Variants in BCL2 observed in about 807,000 individuals in gnomAD.
BCL2 encodes apoptosis regulator Bcl-2.
Under a neutral mutation model 14.2 loss-of-function variants are expected in BCL2, and 1 was observed. The ratio of observed to expected loss-of-function variants is 0.07; its 90% CI spans 0.02 to 0.33. The LOEUF is 0.33. BCL2 is among the 10% of genes least tolerant of loss of function. The pLI is 0.99. For synonymous variants in BCL2, 151 were observed against 137.2 expected, an observed-to-expected ratio of 1.10 and a Z score of -0.70; for missense variants, 247 against 305.9, an observed-to-expected ratio of 0.81 and a Z score of 1.44.
intron 2 of BCL2, among the ~76,000 whole-genome samples, chr18:63,169,177 T>G (rs959775613): frequency 3.3e-5 from 5 of 152,204 alleles, no homozygotes; most frequent in African/African-American, 1.2e-4. Flanking sequence ...GGGCTTCTTT[T>G]GGGCGGTCAG....
intron 2 of BCL2, among the ~76,000 whole-genome samples, chr18:63,140,556 C>T (rs779692793): frequency 6.6e-6 from 1 of 152,204 alleles, no homozygotes; most frequent in African/African-American, 2.4e-5. Flanking sequence ...AAAGGCCACC[C>T]ACTGTCTATG....
At position 63,220,164 on chromosome 18, in the gene BCL2, T is replaced by G. The variant is rs113741725; in HGVS notation, c.586-91405A>C. 9.8e-3 allele frequency among the ~76,000 whole-genome samples: 1,494 copies of G among 152,328 alleles called. 31 individuals carry two copies. Among genetic ancestry groups the G allele is most frequent in the African/African-American group, 0.034 (1,406 of 41,572 alleles). On this transcript the variant is annotated intron_variant, in intron 2 of 2. Coordinates refer to ENST00000333681, the MANE Select transcript of BCL2 (RefSeq NM_000633.3). The stretch of plus-strand genomic sequence containing the variant: ...TTACCTGTAAAGTTGGGCTCGTGGA[T>G]GAAAACTTTTGTAAGGGATGATAAT...
In BCL2 at chr18:63,251,514, G is replaced by A. The variant is rs1374228838; in HGVS notation, c.585+66568C>T. 4.6e-5 allele frequency among the ~76,000 whole-genome samples: 7 copies of A among 151,102 alleles called. No individual in the cohort carries two copies. The South Asian group carries it at 1.3e-3, about 27-fold the overall frequency. On this transcript the variant is annotated intron_variant, in intron 2 of 2. Coordinates refer to ENST00000333681, the MANE Select transcript of BCL2 (RefSeq NM_000633.3). ...AAAAAAATTAGCCAGGCGTGGTGGC[G>A]GGCGCCTGTAGTCCCAGCTACTGAG...
chr18:63,311,046 T>C, intron 2 of BCL2, among the ~76,000 whole-genome samples: 1 of 151,824 alleles, frequency 6.6e-6, no homozygotes, highest in Non-Finnish European at 1.5e-5. Flanking sequence ...TTCAAGAAGA[T>C]AAATCAATAT....
At chr18:63,289,020 C>T (rs1250871992) in intron 2 of BCL2, among the ~76,000 whole-genome samples, 1 of 152,014 alleles carries the variant, frequency 6.6e-6, no homozygotes, top group Non-Finnish European at 1.5e-5. Context: ...GAGAAGTGAA[C>T]AAGTAAAGTA....
At chr18:63,260,779 G>A (rs746751244) in intron 2 of BCL2, among the ~76,000 whole-genome samples, 17 of 151,728 alleles carry the variant, frequency 1.1e-4, no homozygotes, top group Non-Finnish European at 1.9e-4. Flanking sequence ...GGAGAAATAA[G>A]AGGAACAATA....
chr18:63,198,177 TACACACAC>T (rs113352488), intron 2 of BCL2, among the ~76,000 whole-genome samples: 1 of 140,048 alleles, frequency 7.1e-6, no homozygotes. Context: ...CACACAGACA[TACACACAC>T]ACACACACAC....
rs1465443966 is a variant in BCL2 at position 63,310,459 on chromosome 18, G to A, written c.585+7623C>T. On this transcript the variant is annotated intron_variant, in intron 2 of 2. Coordinates refer to ENST00000333681, the MANE Select transcript of BCL2 (RefSeq NM_000633.3). ...CTTGTCTCAACATTATCTCCGGCAT[G>A]AAACTCTTCAGATACCACTGTAGCT... Among the ~76,000 whole-genome samples, 7 of 152,304 alleles carry A rather than the reference G, an allele frequency of 4.6e-5. 1 individual carries two copies. The highest frequency in any genetic ancestry group is 1.7e-4 in the African/African-American group (7 of 41,582).
intron 2 of BCL2, chr18:63,151,357 T>G (rs1914647373): frequency 6.6e-6 from 1 of 151,918 alleles, no homozygotes; most frequent in Admixed American, 6.6e-5. Context: ...AAGAGAAAAA[T>G]GCAACTACTC....
At chr18:63,294,776 G>A (rs1035016873) in intron 2 of BCL2, among the ~76,000 whole-genome samples, 2 of 152,062 alleles carry the variant, frequency 1.3e-5, no homozygotes, top group Non-Finnish European at 2.9e-5. Flanking sequence ...CTTCTAAACC[G>A]AGAACATGCA....
intron 2 of BCL2, among the ~76,000 whole-genome samples, chr18:63,196,830 G>T (rs921605014): frequency 3.3e-5 from 5 of 152,128 alleles, no homozygotes; most frequent in Non-Finnish European, 7.4e-5. Context: ...CCTGCACATG[G>T]AAACATCATA....
chr18:63,241,818 AC>A (rs1911010359), intron 2 of BCL2, among the ~76,000 whole-genome samples: 1 of 152,198 alleles, frequency 6.6e-6, no homozygotes. Context: ...AGAGTGCCTC[AC>A]CCGTCATTAC....
intron 2 of BCL2, among the ~76,000 whole-genome samples, chr18:63,239,794 G>A (rs1305167653): frequency 6.6e-6 from 1 of 152,046 alleles, no homozygotes; most frequent in Non-Finnish European, 1.5e-5. Flanking sequence ...CCAACTGGGA[G>A]GATTTGGGTA....
chr18:63,222,713 T>C (rs946340688), intron 2 of BCL2, among the ~76,000 whole-genome samples: 1 of 152,096 alleles, frequency 6.6e-6, no homozygotes, highest in African/African-American at 2.4e-5. Flanking sequence ...AAATGGAGAA[T>C]TGAACACACT....
At chr18:63,193,922 A>C (rs969124337) in intron 2 of BCL2, among the ~76,000 whole-genome samples, 3 of 152,170 alleles carry the variant, frequency 2.0e-5, no homozygotes, top group Non-Finnish European at 4.4e-5. Flanking sequence ...AAAAATAAAA[A>C]TAATCATATT....
chr18:63,176,110 G>A (rs1211160213), intron 2 of BCL2, among the ~76,000 whole-genome samples: 1 of 152,226 alleles, frequency 6.6e-6, no homozygotes, highest in East Asian at 1.9e-4. Flanking sequence ...GTTCGCTCTG[G>A]TCAGGACTTG....
At chr18:63,212,499 AGAGT>A (rs1215432213) in intron 2 of BCL2, among the ~76,000 whole-genome samples, 2 of 151,820 alleles carry the variant, frequency 1.3e-5, no homozygotes, top group East Asian at 1.9e-4. Flanking sequence ...CCAAGGGTAG[AGAGT>A]GAGTATCACA....
chr18:63,292,643 G>A (rs1277886039), intron 2 of BCL2, among the ~76,000 whole-genome samples: 2 of 152,202 alleles, frequency 1.3e-5, no homozygotes, highest in Non-Finnish European at 2.9e-5. Context: ...GGCAATGAAA[G>A]AACCCTCTTC....
chr18:63,233,159 T>C (rs892758414), intron 2 of BCL2, among the ~76,000 whole-genome samples: 1 of 152,340 alleles, frequency 6.6e-6, no homozygotes. Flanking sequence ...TCTACCCTTG[T>C]GACCTAATCA....
Sources: gnomAD v4.1 joint callset for allele counts (sites outside exome capture counted in the v4.1 genomes callset) on GRCh38, gnomAD v4.1.1 for gene constraint, MANE v1.5 for transcripts, NCBI Gene and HGNC (gene_info 2026-07-23, HGNC 2026-07-21) for gene names.